The following RPSA2 variants were observed in gnomAD, a reference collection of about 807,000 sequenced individuals.
RPSA2 encodes the protein small ribosomal subunit protein uS2B.
the RPSA2 span, among the ~76,000 whole-genome samples, chr19:23,816,160 G>C: frequency 6.6e-6 from 1 of 151,084 alleles, no homozygotes; most frequent in Admixed American, 6.6e-5. Flanking sequence ...TTTGAGATAG[G>C]GTCTCACTCT....
chr19:23,847,729 C>CT, the RPSA2 span, among the ~76,000 whole-genome samples: 2 of 152,254 alleles, frequency 1.3e-5, no homozygotes, highest in East Asian at 3.9e-4. Context: ...CCTGAGGGTA[C>CT]TGCAGGAGAC....
At chr19:23,807,879 G>T in the RPSA2 span, 1 of 417,768 alleles carries the variant, frequency 2.4e-6, no homozygotes, top group Non-Finnish European at 4.8e-6. Flanking sequence ...AGGAGTAGCA[G>T]TGCCTGGACA....
the RPSA2 span, among the ~76,000 whole-genome samples, chr19:23,776,706 G>C: frequency 6.6e-6 from 1 of 152,158 alleles, no homozygotes; most frequent in African/African-American, 2.4e-5. Flanking sequence ...ACCTGCTGCA[G>C]AGATTGTAAC....
the RPSA2 span, among the ~76,000 whole-genome samples, chr19:23,787,084 A>G: frequency 6.6e-6 from 1 of 152,088 alleles, no homozygotes; most frequent in Non-Finnish European, 1.5e-5. Flanking sequence ...CTGCTTACAG[A>G]GAAATTGTAG....
At chr19:23,866,474 AC>A in the RPSA2 span, among the ~76,000 whole-genome samples, 7 of 151,098 alleles carry the variant, frequency 4.6e-5, no homozygotes, top group African/African-American at 1.7e-4. Context: ...AAGGAATGCC[AC>A]CCCAGACCTC....
At chr19:23,826,977 A>G in the RPSA2 span, 12 of 604,244 alleles carry the variant, frequency 2.0e-5, no homozygotes, top group South Asian at 3.8e-5. Flanking sequence ...GGTGTGAACC[A>G]CCGTGCCTGG....
chr19:23,832,998 T>C, the RPSA2 span: 3 of 1,437,024 alleles, frequency 2.1e-6, no homozygotes, highest in African/African-American at 4.3e-5. Context: ...GCAAAGCCTT[T>C]AGGCAGTCTT....
chr19:23,827,530 G>C, the RPSA2 span: 8 of 1,596,884 alleles, frequency 5.0e-6, no homozygotes, highest in Non-Finnish European at 5.9e-6. Flanking sequence ...GGCTTCTTGT[G>C]GTTACTGACC....
At chr19:23,758,511 C>T in the RPSA2 span, among the ~76,000 whole-genome samples, 4 of 152,310 alleles carry the variant, frequency 2.6e-5, no homozygotes, top group East Asian at 5.8e-4. Flanking sequence ...CCCGGCGCTG[C>T]GGATGCAGAG....
At chr19:23,785,969 G>T in the RPSA2 span, among the ~76,000 whole-genome samples, 1 of 152,140 alleles carries the variant, frequency 6.6e-6, no homozygotes, top group Non-Finnish European at 1.5e-5. Flanking sequence ...TGAGATTGTG[G>T]TTCTCATGTG....
chr19:23,766,704 T>G, the RPSA2 span, among the ~76,000 whole-genome samples: 1 of 151,282 alleles, frequency 6.6e-6, no homozygotes, highest in East Asian at 2.0e-4. Context: ...TCCGCCCGCC[T>G]CGGCCTCCCA....
chr19:23,817,727 G>A, the RPSA2 span: 1 of 152,304 alleles, frequency 6.6e-6, no homozygotes, highest in South Asian at 2.1e-4. Context: ...CGCAAAGCTC[G>A]TGGTGCAAGT....
At chr19:23,776,182 T>C in the RPSA2 span, among the ~76,000 whole-genome samples, 2 of 152,318 alleles carry the variant, frequency 1.3e-5, no homozygotes, top group East Asian at 3.9e-4. Flanking sequence ...ATCTTGGACC[T>C]TCCTGCACGT....
the RPSA2 span, among the ~76,000 whole-genome samples, chr19:23,843,820 C>T: frequency 1.3e-5 from 2 of 152,092 alleles, no homozygotes; most frequent in Non-Finnish European, 2.9e-5. Flanking sequence ...AGTGCAATGG[C>T]ATGGTCTCAG....
chr19:23,817,968 G>C, the RPSA2 span: 1 of 152,158 alleles, frequency 6.6e-6, no homozygotes, highest in African/African-American at 2.4e-5. Flanking sequence ...ATTACTAAGG[G>C]GAGGAGGAAG....
At chr19:23,761,088 A>ATG in the RPSA2 span, among the ~76,000 whole-genome samples, 142,265 of 146,480 alleles carry the variant, frequency 0.97, 69,203 homozygotes, top group Middle Eastern at 1. Flanking sequence ...GTATATATAT[A>ATG]TGTGTGTGTG....
At chr19:23,796,851 TG>T in the RPSA2 span, among the ~76,000 whole-genome samples, 2 of 4,486 alleles carry the variant, frequency 4.5e-4, no homozygotes, top group Non-Finnish European at 3.9e-3. Flanking sequence ...ATCTAGCTAG[TG>T]GTTTATTTAT....
the RPSA2 span, among the ~76,000 whole-genome samples, chr19:23,839,090 G>C: frequency 5.5e-3 from 841 of 152,092 alleles, 7 homozygotes; most frequent in African/African-American, 0.02. Flanking sequence ...GAACTTTCCT[G>C]TTAGTACCAC....
chr19:23,820,064 A>G, the RPSA2 span, among the ~76,000 whole-genome samples: 1 of 152,202 alleles, frequency 6.6e-6, no homozygotes, highest in African/African-American at 2.4e-5. Flanking sequence ...CATCCTGAAA[A>G]GGTGCAGACA....
Sources: gnomAD v4.1 joint callset for allele counts (sites outside exome capture counted in the v4.1 genomes callset) on GRCh38, gnomAD v4.1.1 for gene constraint, MANE v1.5 for transcripts, NCBI Gene and HGNC (gene_info 2026-07-23, HGNC 2026-07-21) for gene names.